DOC2A: variants seen among roughly 807,000 people sequenced by gnomAD.
DOC2A encodes double C2-like domain-containing protein alpha.
DOC2A carries 28 observed loss-of-function variants against 40.6 expected under a neutral mutation model. The ratio of observed to expected loss-of-function variants is 0.69; its 90% CI spans 0.51 to 0.95. The LOEUF (loss-of-function observed/expected upper bound fraction) is 0.95. DOC2A is among the 40% of genes least tolerant of loss of function. DOC2A has a pLI of 0.00. For missense variants in DOC2A, 474 were observed against 552.5 expected (o/e 0.86, Z 1.42); for synonymous variants, 241 against 236.9 (o/e 1.02, Z -0.16).
chr16:30,009,474 C>G lies in DOC2A; in HGVS notation c.342+4G>C, dbSNP rs562734616. The G allele has an allele frequency of 1.3e-6, 2 of 1,551,386 alleles. No individual in the cohort carries two copies. The highest frequency in any genetic ancestry group is 2.7e-5 in the African/African-American group (2 of 73,148). On this transcript the variant is annotated splice_donor_region_variant and intron_variant, in intron 3 of 10. Transcript: ENST00000350119. The surrounding 1 kb of genome is among the most constrained non-coding windows in gnomAD (Gnocchi z 4.1). The stretch of plus-strand genomic sequence containing the variant: ...CCCGGGCTTGGGTGGCAGGGAGTGC[C>G]CACCTTGGCCCTGAGGATGCTACAG...
At chr16:30,011,215 C>T, upstream of DOC2A, 2 of 723,430 alleles carry the variant, frequency 2.8e-6, no homozygotes, top group Non-Finnish European at 3.4e-6. Flanking sequence ...GGCACGCGGA[C>T]CGGCACACAC....
chr16:30,009,913 C>T lies in DOC2A; in HGVS notation c.262+48G>A. 1 of 1,609,628 alleles carries T rather than the reference C, an allele frequency of 6.2e-7. No individual in the cohort carries two copies. On this transcript the variant is annotated intron_variant, in intron 2 of 10. Coordinates refer to ENST00000350119, the MANE Select transcript of DOC2A (RefSeq NM_003586.3). This position sits in a 1 kb window ranked among gnomAD's most constrained non-coding sequence, Gnocchi z 4.1. ...CCCCCTCTCCCCCCACCACGGCAAGCCTGGAGACCCCCACCAGCACATGGG... is the reference window on the plus strand; with the variant it reads ...CCCCCTCTCCCCCCACCACGGCAAGTCTGGAGACCCCCACCAGCACATGGG...
chr16:30,009,927 C>A lies in DOC2A; in HGVS notation c.262+34G>T. 1 of 1,610,402 alleles carries A rather than the reference C, an allele frequency of 6.2e-7. No individual in the cohort carries two copies. Among genetic ancestry groups the A allele is most frequent in the South Asian group, 1.1e-5 (1 of 90,988 alleles). ...ACCACGGCAAGCCTGGAGACCCCCA[C>A]CAGCACATGGGGCCTCCAAGCCCCC... On this transcript the variant is annotated intron_variant, in intron 2 of 10. Coordinates refer to ENST00000350119, the MANE Select transcript of DOC2A (RefSeq NM_003586.3). The surrounding 1 kb of genome is among the most constrained non-coding windows in gnomAD (Gnocchi z 4.1).
upstream of DOC2A, among the ~76,000 whole-genome samples, chr16:30,016,055 A>ATACATATT (rs1163519904): frequency 1.2e-4 from 2 of 16,902 alleles, no homozygotes; most frequent in Non-Finnish European, 1.9e-4. Flanking sequence ...ATATATATAT[A>ATACATATT]TTTTTTTTTT....
At chr16:30,013,710 CTTTT>C (rs1014327319), upstream of DOC2A, 1 of 145,638 alleles carries the variant, frequency 6.9e-6, no homozygotes, top group African/African-American at 2.6e-5. Flanking sequence ...AGTTCAAATT[CTTTT>C]TTTCTTTTTT....
chr16:30,009,883 C>A lies in DOC2A; in HGVS notation c.262+78G>T, dbSNP rs1462994724. On this transcript the variant is annotated intron_variant, in intron 2 of 10. Coordinates refer to ENST00000350119, the MANE Select transcript of DOC2A (RefSeq NM_003586.3). This position sits in a 1 kb window ranked among gnomAD's most constrained non-coding sequence, Gnocchi z 4.1. ...CTACCTACATGCACAGCCAGCAGGG[C>A]CCATCCCCCTCTCCCCCCACCACGG... 7 of 1,509,500 alleles carry A rather than the reference C, an allele frequency of 4.6e-6. No individual in the cohort carries two copies. Among genetic ancestry groups the A allele is most frequent in the Non-Finnish European group, 6.4e-6 (7 of 1,090,912 alleles). The allele number at this position is 1,509,500 out of a possible 1,614,324, so 93.5% of individuals were successfully genotyped here.
In DOC2A at chr16:30,006,999, A is replaced by C. The variant is rs1418111298; in HGVS notation, c.714+32T>G. The C allele has an allele frequency of 1.9e-6, 3 of 1,613,672 alleles. No homozygotes were observed. The highest frequency in any genetic ancestry group is 8.5e-7 in the Non-Finnish European group (1 of 1,179,832). ...CCTGGGCCCCTGCAGCCTCCCACCCACATGCATCCCCATCCCCATGAGGTG... is the reference window on the plus strand; with the variant it reads ...CCTGGGCCCCTGCAGCCTCCCACCCCCATGCATCCCCATCCCCATGAGGTG... On this transcript the variant is annotated intron_variant, in intron 7 of 10. Transcript: ENST00000350119. The surrounding 1 kb of genome is among the most constrained non-coding windows in gnomAD (Gnocchi z 6.2).
At chr16:30,007,854 A>C in intron 5 of DOC2A, 1 of 198,640 alleles carries the variant, frequency 5.0e-6, no homozygotes. Context: ...CAGCCCTGCC[A>C]CTTCTGAGCC....
rs1387273659 is a variant in DOC2A, at chr16:30,007,278, GTCC to G, written c.546_548del (p.Glu182del). The G allele has an allele frequency of 2.5e-6, 4 of 1,613,958 alleles. No homozygotes were observed. Among genetic ancestry groups the G allele is most frequent in the African/African-American group, 1.3e-5 (1 of 75,060 alleles). Reference sequence around the variant, plus strand: ...CAATAAACTCATTGTGACTCAGCTTGTCCTCATCACAGACGGCGATCCTGGTCG... The same window carrying G: ...CAATAAACTCATTGTGACTCAGCTTGTCATCACAGACGGCGATCCTGGTCG... On this transcript the variant is annotated inframe_deletion, in exon 6 of 11. Transcript: ENST00000350119.
chr16:30,006,398 C>T lies in DOC2A; in HGVS notation c.1057+15G>A. The T allele has an allele frequency of 6.2e-7, 1 of 1,613,750 alleles. No individual in the cohort carries two copies. The highest frequency in any genetic ancestry group is 8.5e-7 in the Non-Finnish European group (1 of 1,179,930). ...CTTGCCCGCCCTCAACACCCGCAGC[C>T]AGCTCCTCCCTCACCAATGAAGTCA... On this transcript the variant is annotated intron_variant, in intron 10 of 10. Transcript: ENST00000350119. The surrounding 1 kb of genome is among the most constrained non-coding windows in gnomAD (Gnocchi z 6.2).
rs1032013453 is a variant in DOC2A at position 30,006,280 on chromosome 16, C to G, written c.1109G>C (p.Ser370Thr). The G allele has an allele frequency of 2.2e-5, 36 of 1,607,772 alleles. No individual in the cohort carries two copies. Among genetic ancestry groups the G allele is most frequent in the Non-Finnish European group, 3.1e-5 (36 of 1,177,858 alleles). The change falls in exon 11 of 11, where the codon AGT becomes ACT. Residue 370 changes from serine to threonine, a missense_variant. Coordinates refer to ENST00000350119, the MANE Select transcript of DOC2A (RefSeq NM_003586.3). The surrounding 1 kb of genome is among the most constrained non-coding windows in gnomAD (Gnocchi z 6.2). ...GARGEARKHW[S>T]DCLQQPDAAL... ...TGCGTCCGGCTGCTGCAGGCAGTCA[C>G]TCCAGTGCTTCCGAGCCTCGCCTCG...
Position 30,009,931 on chromosome 16 carries a change from C to T in DOC2A, c.262+30G>A, listed in dbSNP as rs754469611. On this transcript the variant is annotated intron_variant, in intron 2 of 10. Coordinates refer to ENST00000350119, the MANE Select transcript of DOC2A (RefSeq NM_003586.3). The surrounding 1 kb of genome is among the most constrained non-coding windows in gnomAD (Gnocchi z 4.1). ...CGGCAAGCCTGGAGACCCCCACCAG[C>T]ACATGGGGCCTCCAAGCCCCCAGAC... is the stretch of plus-strand genomic sequence containing the variant. 2 of 1,610,588 alleles carry T rather than the reference C, an allele frequency of 1.2e-6. No individual in the cohort carries two copies. The highest frequency in any genetic ancestry group is 1.7e-6 in the Non-Finnish European group (2 of 1,179,500).
upstream of DOC2A, among the ~76,000 whole-genome samples, chr16:30,016,448 G>A (rs755986075): frequency 7.9e-5 from 12 of 152,296 alleles, no homozygotes; most frequent in Middle Eastern, 6.8e-3. Flanking sequence ...TGTGAAAGCC[G>A]GTGAGTTTAG....
At chr16:30,013,603 C>CAAAAAAAAAAAAAAAAAAAAAAAAAA (rs61309249), upstream of DOC2A, 1 of 34,908 alleles carries the variant, frequency 2.9e-5, no homozygotes, top group African/African-American at 1.0e-4. Context: ...GACCCTGTCT[C>CAAAAAAAAAAAAAAAAAAAAAAAAAA]AAAAAAAAAA....
chr16:30,014,172 C>CT (rs772684029), upstream of DOC2A, among the ~76,000 whole-genome samples: 124 of 131,848 alleles, frequency 9.4e-4, 2 homozygotes, highest in East Asian at 8.2e-3. Flanking sequence ...TTAGAATCAT[C>CT]TTTTTTTTTT....
At chr16:30,007,135 G>A (rs747414032) in intron 6 of DOC2A, 38 bp downstream of exon 6, 9 of 1,613,412 alleles carry the variant, frequency 5.6e-6, no homozygotes, top group Non-Finnish European at 6.8e-6. Flanking sequence ...CCTCCCCAGG[G>A]CCCCCTCCCC....
At chr16:30,022,546 C>T (rs1461696746), upstream of DOC2A, among the ~76,000 whole-genome samples, 1 of 152,082 alleles carries the variant, frequency 6.6e-6, no homozygotes, top group Non-Finnish European at 1.5e-5. Flanking sequence ...TGGCACATGC[C>T]TGTGGTCCCA....
At chr16:30,016,022 T>TAC (rs2070850411), upstream of DOC2A, among the ~76,000 whole-genome samples, 1 of 55,312 alleles carries the variant, frequency 1.8e-5, no homozygotes, top group Non-Finnish European at 2.8e-5. Context: ...AGCACAATAA[T>TAC]ATATATATAT....
intron 1 of DOC2A, among the ~76,000 whole-genome samples, chr16:30,020,914 T>C (rs1665799393): frequency 6.6e-6 from 1 of 151,756 alleles, no homozygotes; most frequent in Non-Finnish European, 1.5e-5. Context: ...CCCAGCTACT[T>C]GGGAGGCTGA....
Sources: gnomAD v4.1 joint callset for allele counts (sites outside exome capture counted in the v4.1 genomes callset) on GRCh38, gnomAD v4.1.1 for gene constraint, Gnocchi (gnomAD v3.1) non-coding constraint, MANE v1.5 for transcripts, NCBI Gene and HGNC (gene_info 2026-07-23, HGNC 2026-07-21) for gene names.